Variants in IGF1R observed in about 807,000 individuals in gnomAD.
The protein encoded by IGF1R is insulin-like growth factor 1 receptor.
IGF1R carries 44 observed loss-of-function variants against 144.6 expected under a neutral mutation model. That is an observed-to-expected ratio of 0.30 (90% CI 0.24 to 0.39). The LOEUF is 0.39. Among genes scored for constraint, IGF1R ranks in the 10% least tolerant of loss-of-function variants. IGF1R has a pLI of 1.00. For synonymous variants in IGF1R, 795 were observed against 722.8 expected (o/e 1.10, Z -1.60); for missense variants, 1,355 against 1,833.7 (o/e 0.74, Z 4.77).
chr15:98,693,241 A>G (rs911899010), intron 1 of IGF1R, among the ~76,000 whole-genome samples: 2 of 152,214 alleles, frequency 1.3e-5, no homozygotes, highest in Admixed American at 1.3e-4. Context: ...TGAGGCAGGC[A>G]TAGAGGTGAT....
At chr15:98,660,969 CAG>C (rs1007439079) in intron 1 of IGF1R, among the ~76,000 whole-genome samples, 15 of 152,118 alleles carry the variant, frequency 9.9e-5, no homozygotes, top group Non-Finnish European at 5.9e-5. Flanking sequence ...GGTGGCATCT[CAG>C]AAAGTTGGGT....
intron 2 of IGF1R, among the ~76,000 whole-genome samples, chr15:98,756,996 A>C (rs1188330074): frequency 6.6e-6 from 1 of 152,188 alleles, no homozygotes; most frequent in Non-Finnish European, 1.5e-5. Flanking sequence ...CAAGTACATG[A>C]TTAAGTTTTA....
chr15:98,893,800 C>A (rs892118680), intron 3 of IGF1R, among the ~76,000 whole-genome samples: 61 of 152,206 alleles, frequency 4.0e-4, no homozygotes, highest in Non-Finnish European at 1.6e-4. Context: ...CCTATTCATT[C>A]TTACAGTCCG....
chr15:98,902,397 T>C (rs1340399051), intron 5 of IGF1R, among the ~76,000 whole-genome samples: 1 of 151,254 alleles, frequency 6.6e-6, no homozygotes, highest in African/African-American at 2.4e-5. Flanking sequence ...TTAACACGTG[T>C]CACACTATTT....
In IGF1R at chr15:98,826,864, A is replaced by G. The variant is rs115851150; in HGVS notation, c.641-64461A>G. On this transcript the variant is annotated intron_variant, in intron 2 of 20. Transcript: ENST00000650285. Reference sequence around the variant, plus strand: ...AAGTGCAGGTGCACCTGAATAGGCAATAAAGTATTAAGAGCTGCTCCTGGA... The same window carrying G: ...AAGTGCAGGTGCACCTGAATAGGCAGTAAAGTATTAAGAGCTGCTCCTGGA... 1.0e-2 allele frequency among the ~76,000 whole-genome samples: 1,520 copies of G among 152,332 alleles called. 31 individuals carry two copies. The highest frequency in any genetic ancestry group is 0.035 in the African/African-American group (1,438 of 41,568).
intron 1 of IGF1R, among the ~76,000 whole-genome samples, chr15:98,699,538 A>T (rs560676773): frequency 6.6e-6 from 1 of 152,344 alleles, no homozygotes; most frequent in East Asian, 1.9e-4. Context: ...AGATCCGGGA[A>T]AACGGTTGTT....
At chr15:98,756,360 T>C (rs773788372) in intron 2 of IGF1R, among the ~76,000 whole-genome samples, 1 of 151,924 alleles carries the variant, frequency 6.6e-6, no homozygotes, top group Admixed American at 6.6e-5. Flanking sequence ...TTTCAGAATA[T>C]ATTATAGTTG....
At chr15:98,932,929 C>G (rs79784243) in intron 15 of IGF1R, among the ~76,000 whole-genome samples, 430 of 152,364 alleles carry the variant, frequency 2.8e-3, no homozygotes, top group African/African-American at 9.6e-3. Flanking sequence ...ATAAACATCT[C>G]TCCTTTGAGA....
intron 1 of IGF1R, among the ~76,000 whole-genome samples, chr15:98,660,037 T>G (rs1193115588): frequency 6.6e-6 from 1 of 152,250 alleles, no homozygotes; most frequent in East Asian, 1.9e-4. Context: ...TTGCTGAGAT[T>G]ACACAAAATA....
rs71149408 is a variant in IGF1R, at chr15:98,674,977, A to ATTTT, written c.94+25323_94+25326dup. Among the ~76,000 whole-genome samples, 674 of 98,844 alleles carry ATTTT rather than the reference A, an allele frequency of 6.8e-3. 28 individuals carry two copies. The highest frequency in any genetic ancestry group is 0.022 in the African/African-American group (535 of 23,968). The allele number at this position is 98,844 out of a possible 152,430, so 64.8% of individuals were successfully genotyped here. ...AAATGCTAAATTTAGGTATTTTACA[A>ATTTT]TTTTTTTTTTTTTTTTTTTTTTTTG... On this transcript the variant is annotated intron_variant, in intron 1 of 20. Coordinates refer to ENST00000650285, the MANE Select transcript of IGF1R (RefSeq NM_000875.5).
At chr15:98,654,921 G>A (rs565895718) in intron 1 of IGF1R, among the ~76,000 whole-genome samples, 1 of 152,302 alleles carries the variant, frequency 6.6e-6, no homozygotes, top group East Asian at 1.9e-4. Flanking sequence ...CATCAGCTTA[G>A]CAAGAGGAGG....
At chr15:98,845,507 CTCCTCCTCCT>C (rs1272781494) in intron 2 of IGF1R, among the ~76,000 whole-genome samples, 2 of 133,960 alleles carry the variant, frequency 1.5e-5, no homozygotes, top group African/African-American at 2.8e-5. Flanking sequence ...CTCCTCCTCC[CTCCTCCTCCT>C]TCCTCCTCCC....
At chr15:98,666,960 G>T (rs891362982) in intron 1 of IGF1R, among the ~76,000 whole-genome samples, 1 of 152,126 alleles carries the variant, frequency 6.6e-6, no homozygotes, top group Admixed American at 6.5e-5. Flanking sequence ...GCGAGTATAT[G>T]TGTGGAATAG....
At chr15:98,783,862 C>T (rs1781104130) in intron 2 of IGF1R, among the ~76,000 whole-genome samples, 1 of 151,818 alleles carries the variant, frequency 6.6e-6, no homozygotes, top group South Asian at 2.1e-4. Context: ...GATAGTACCA[C>T]GCTATCCTTC....
In IGF1R at chr15:98,891,382, C is replaced by G; in HGVS notation, c.698C>G (p.Pro233Arg). 6.2e-7 allele frequency: 1 copy of G among 1,612,062 alleles called. No homozygotes were observed. ...ACCGAGAACAATGAGTGCTGCCACCCCGAGTGCCTGGGCAGCTGCAGCGCG... is the reference window on the plus strand; with the variant it reads ...ACCGAGAACAATGAGTGCTGCCACCGCGAGTGCCTGGGCAGCTGCAGCGCG... ...ACTENNECCH[P>R]ECLGSCSAPD... Residue 233 changes from proline (P) to arginine (R), a missense_variant, in exon 3 of 21, where the codon CCC becomes CGC. By Grantham distance (103) the Pro-to-Arg change is moderately radical. Coordinates refer to ENST00000650285, the MANE Select transcript of IGF1R (RefSeq NM_000875.5). This position sits in a 1 kb window ranked among gnomAD's most constrained non-coding sequence, Gnocchi z 4.7.
intron 2 of IGF1R, among the ~76,000 whole-genome samples, chr15:98,756,887 C>T (rs1251113359): frequency 6.6e-6 from 1 of 151,804 alleles, no homozygotes; most frequent in Non-Finnish European, 1.5e-5. Flanking sequence ...GTATGTCTGT[C>T]CTTGAATTTT....
chr15:98,769,162 GACAGGAAGATTCTTGATCTTCTTTGTA>G (rs1272276732), intron 2 of IGF1R, among the ~76,000 whole-genome samples: 1 of 152,164 alleles, frequency 6.6e-6, no homozygotes, highest in African/African-American at 2.4e-5. Flanking sequence ...AACATTTTTA[GACAGGAAGATTCTTGATCTTCTTTGTA>G]AGCAAATAGC....
chr15:98,689,700 T>G (rs965868847), intron 1 of IGF1R, among the ~76,000 whole-genome samples: 4 of 152,236 alleles, frequency 2.6e-5, no homozygotes, highest in African/African-American at 9.6e-5. Context: ...CACACTTTGC[T>G]GCCATCACAG....
At chr15:98,863,200 G>A (rs1213294324) in intron 2 of IGF1R, among the ~76,000 whole-genome samples, 1 of 152,152 alleles carries the variant, frequency 6.6e-6, no homozygotes, top group Admixed American at 6.6e-5. Flanking sequence ...GATTAAATTT[G>A]GGGGGTACAT....
Sources: allele counts gnomAD v4.1 joint callset (sites outside exome capture counted in the v4.1 genomes callset), GRCh38; gene constraint gnomAD v4.1.1; non-coding constraint Gnocchi (gnomAD v3.1); transcripts MANE v1.5; gene names NCBI Gene and HGNC (gene_info 2026-07-23, HGNC 2026-07-21).